The following SLC14A2 variants were observed in gnomAD, a reference collection of about 807,000 sequenced individuals.
SLC14A2 encodes solute carrier family 14 member 2, also known as urea transporter 2.
In SLC14A2, 91 loss-of-function variants were observed where a neutral mutation model predicts 104.6. The ratio of observed to expected loss-of-function variants is 0.87; its 90% confidence interval spans 0.73 to 1.04. The LOEUF (loss-of-function observed/expected upper bound fraction) is 1.04, where lower values mean the gene tolerates loss of function less well. Among genes scored for constraint, SLC14A2 ranks in the 50% least tolerant of loss-of-function variants. The pLI is 0.00. For synonymous variants in SLC14A2, 476 were observed against 466.4 expected (o/e 1.02, Z -0.27); for missense variants, 1,189 against 1,156.0 (o/e 1.03, Z -0.41).
At chr18:45,622,477 T>A (rs916902697) in intron 1 of SLC14A2, among the ~76,000 whole-genome samples, 7 of 152,084 alleles carry the variant, frequency 4.6e-5, no homozygotes, top group Non-Finnish European at 8.8e-5. Flanking sequence ...AGTAGACAAC[T>A]AAATCTGTTA....
chr18:45,224,283 C>T (rs2084092403), intron 1 of SLC14A2, among the ~76,000 whole-genome samples: 1 of 152,226 alleles, frequency 6.6e-6, no homozygotes, highest in Non-Finnish European at 1.5e-5. Flanking sequence ...ACTCTTCTTC[C>T]CCTCTCTCTG....
chr18:45,466,980 T>C (rs996608495), intron 1 of SLC14A2, among the ~76,000 whole-genome samples: 2 of 152,142 alleles, frequency 1.3e-5, no homozygotes, highest in Non-Finnish European at 2.9e-5. Flanking sequence ...ATTTTATTTC[T>C]TATCTACTGA....
At chr18:45,383,653 T>C in intron 1 of SLC14A2, among the ~76,000 whole-genome samples, 1 of 152,172 alleles carries the variant, frequency 6.6e-6, no homozygotes, top group East Asian at 1.9e-4. Flanking sequence ...CTCACAGGCC[T>C]CCAGGTGTTC....
At chr18:45,313,471 C>T (rs1053340099) in intron 1 of SLC14A2, among the ~76,000 whole-genome samples, 2 of 152,144 alleles carry the variant, frequency 1.3e-5, no homozygotes, top group Non-Finnish European at 2.9e-5. Context: ...TCTGCTATAC[C>T]GTCTCTCATT....
intron 1 of SLC14A2, among the ~76,000 whole-genome samples, chr18:45,239,236 A>G (rs2144045007): frequency 1.3e-5 from 2 of 152,284 alleles, no homozygotes; most frequent in African/African-American, 4.8e-5. Flanking sequence ...TAAAGTGTCA[A>G]AGATGAACCA....
At chr18:45,646,977 T>C (rs1019131548) in intron 10 of SLC14A2, 1 of 152,226 alleles carries the variant, frequency 6.6e-6, no homozygotes, top group African/African-American at 2.4e-5. Context: ...TCATTAAAGA[T>C]GTGTCAGTTT....
intron 1 of SLC14A2, among the ~76,000 whole-genome samples, chr18:45,388,621 C>A (rs2085927270): frequency 6.6e-6 from 1 of 152,106 alleles, no homozygotes; most frequent in African/African-American, 2.4e-5. Context: ...ATCTCTAATC[C>A]TTTCTCTCTG....
intron 1 of SLC14A2, among the ~76,000 whole-genome samples, chr18:45,415,395 A>G (rs1275817651): frequency 6.6e-6 from 1 of 152,154 alleles, no homozygotes; most frequent in Non-Finnish European, 1.5e-5. Flanking sequence ...CTGGGACTTG[A>G]TGACATAATG....
chr18:45,315,765 C>G (rs1009674806), intron 1 of SLC14A2, among the ~76,000 whole-genome samples: 1 of 152,152 alleles, frequency 6.6e-6, no homozygotes, highest in African/African-American at 2.4e-5. Flanking sequence ...TAGTAGTTCT[C>G]TCCTTCAAGG....
the SLC14A2 span, among the ~76,000 whole-genome samples, chr18:45,187,076 C>G: frequency 6.6e-6 from 1 of 152,120 alleles, no homozygotes; most frequent in African/African-American, 2.4e-5. Flanking sequence ...AGCCTGGGTG[C>G]TTTTAAAAAG....
rs112032850 is a variant in SLC14A2 at position 45,668,299 on chromosome 18, A to C, written c.1908-50A>C. ...GAATCTGACTCAATAGGAAAATGTA[A>C]AGGGCCCTGGGGAAGCCCCTGCTCC... On this transcript the variant is annotated intron_variant, in intron 14 of 19. Transcript: ENST00000255226. 2.7e-5 allele frequency: 43 copies of C among 1,602,116 alleles called. No homozygotes were observed. The African/African-American group carries it at 4.2e-4, about 15-fold the overall frequency.
rs564651084 is a variant in SLC14A2, at chr18:45,545,395, A to T, written c.-35+62073A>T. Among the ~76,000 whole-genome samples the T allele has an allele frequency of 5.9e-4, 90 of 152,192 alleles. 1 individual carries two copies. Among genetic ancestry groups the T allele is most frequent in the African/African-American group, 2.0e-3 (81 of 41,526 alleles). On this transcript the variant is annotated intron_variant, in intron 2 of 20. Transcript: ENST00000586448. ...AAACTCAGGCTGAGGGTCCGTTGCT[A>T]TTTATCATGCTCTTGGGCTGATTTT...
chr18:45,637,680 G>A (rs1167062054), intron 6 of SLC14A2, among the ~76,000 whole-genome samples: 1 of 152,192 alleles, frequency 6.6e-6, no homozygotes, highest in African/African-American at 2.4e-5. Flanking sequence ...GCCCCTTGGA[G>A]ACATTAGGCA....
At position 45,278,102 on chromosome 18, in the gene SLC14A2, A is replaced by C. The variant is rs141078218; in HGVS notation, c.-125+64911A>C. 4.6e-3 allele frequency among the ~76,000 whole-genome samples: 694 copies of C among 152,312 alleles called. 5 individuals are homozygous for C. The highest frequency in any genetic ancestry group is 0.015 in the African/African-American group (633 of 41,558). ...AACATTGTGACTCTGAGGTTTAGTG[A>C]ACATATGGTATTGACAAAGAGCTAT... On this transcript the variant is annotated intron_variant, in intron 1 of 20. Transcript: ENST00000586448.
chr18:45,413,179 T>C (rs1267154791), intron 1 of SLC14A2, among the ~76,000 whole-genome samples: 2 of 152,186 alleles, frequency 1.3e-5, no homozygotes, highest in Non-Finnish European at 2.9e-5. Context: ...ACAGAGTAGC[T>C]TATGTTATCT....
intron 10 of SLC14A2, among the ~76,000 whole-genome samples, chr18:45,649,198 G>A (rs1368701634): frequency 9.1e-6 from 1 of 109,388 alleles, no homozygotes; most frequent in African/African-American, 3.8e-5. Flanking sequence ...AAAACAAAAA[G>A]GCATATTTGT....
intron 2 of SLC14A2, among the ~76,000 whole-genome samples, chr18:45,496,463 C>T (rs566377105): frequency 1.3e-5 from 2 of 152,160 alleles, no homozygotes; most frequent in South Asian, 2.1e-4. Flanking sequence ...TAGAACAAAG[C>T]AGGCAGAAGA....
intron 2 of SLC14A2, among the ~76,000 whole-genome samples, chr18:45,489,313 C>A (rs192334293): frequency 6.6e-5 from 10 of 152,250 alleles, no homozygotes; most frequent in African/African-American, 2.4e-4. Context: ...GAGTTCAAGA[C>A]CAGCCTGGCC....
chr18:45,193,053 G>A, the SLC14A2 span, among the ~76,000 whole-genome samples: 1 of 152,128 alleles, frequency 6.6e-6, no homozygotes, highest in African/African-American at 2.4e-5. Flanking sequence ...TTGGTAAAAT[G>A]TCTGTTTATA....
Sources: gnomAD v4.1 joint callset for allele counts (sites outside exome capture counted in the v4.1 genomes callset) on GRCh38, gnomAD v4.1.1 for gene constraint, MANE v1.5 for transcripts, NCBI Gene and HGNC (gene_info 2026-07-23, HGNC 2026-07-21) for gene names.